Variants in HYDIN observed in about 807,000 individuals in gnomAD.
HYDIN encodes the protein axonemal central pair apparatus protein HYDIN.
A neutral mutation model predicts 403.9 loss-of-function variants in HYDIN; 132 were observed. The ratio of observed to expected loss-of-function variants is 0.33; its 90% CI spans 0.28 to 0.38. HYDIN has a LOEUF of 0.38. Ranked by LOEUF, HYDIN falls within the 10% of genes least tolerant of loss-of-function variation. The pLI is 1.00. For synonymous variants in HYDIN, 1,202 were observed against 1,891.7 expected (o/e 0.64, Z 9.46); for missense variants, 2,827 against 5,009.5 (o/e 0.56, Z 13.15).
intron 1 of HYDIN, among the ~76,000 whole-genome samples, chr16:71,189,778 A>C (rs1042273912): frequency 1.3e-5 from 2 of 151,796 alleles, no homozygotes; most frequent in African/African-American, 4.8e-5. Context: ...AAAAAAAAAA[A>C]AAAACAAACA....
intron 3 of HYDIN, 115 bp from the exon 4 acceptor site, chr16:71,179,162 C>A: frequency 1.4e-6 from 1 of 731,058 alleles, no homozygotes; most frequent in South Asian, 2.3e-5. Flanking sequence ...GGGAAATATT[C>A]AAAAAGAAAT....
At chr16:71,193,713 T>G (rs2087550362) in intron 1 of HYDIN, among the ~76,000 whole-genome samples, 2 of 152,204 alleles carry the variant, frequency 1.3e-5, no homozygotes, top group African/African-American at 4.8e-5. Flanking sequence ...TAGTGAATGC[T>G]TCCAGATGCT....
intron 41 of HYDIN, among the ~76,000 whole-genome samples, chr16:70,947,738 C>T (rs895571386): frequency 5.3e-5 from 8 of 152,162 alleles, no homozygotes; most frequent in African/African-American, 1.7e-4. Context: ...ACCTAGGAAT[C>T]CACCTTACAA....
chr16:71,151,869 C>T (rs1333787492), intron 7 of HYDIN, among the ~76,000 whole-genome samples: 1 of 151,760 alleles, frequency 6.6e-6, no homozygotes, highest in Non-Finnish European at 1.5e-5. Context: ...AGGGTGTGGC[C>T]TTCAAGAAAA....
At chr16:71,228,500 T>C (rs909666313) in intron 1 of HYDIN, among the ~76,000 whole-genome samples, 11 of 152,120 alleles carry the variant, frequency 7.2e-5, no homozygotes, top group Non-Finnish European at 8.8e-5. Flanking sequence ...GGGCAAAGGA[T>C]ATGAACAGAC....
At chr16:71,149,925 T>C (rs1280807098) in intron 7 of HYDIN, among the ~76,000 whole-genome samples, 2 of 149,672 alleles carry the variant, frequency 1.3e-5, no homozygotes, top group Non-Finnish European at 3.0e-5. Context: ...AATAGTCTAG[T>C]GCCAAGGCTA....
chr16:71,055,992 A>ATCC (rs2081872354), intron 18 of HYDIN, among the ~76,000 whole-genome samples: 1 of 152,070 alleles, frequency 6.6e-6, no homozygotes. Flanking sequence ...GCACTGCTGC[A>ATCC]TCCTCACCCT....
intron 42 of HYDIN, among the ~76,000 whole-genome samples, chr16:70,942,460 G>A (rs1833479833): frequency 6.6e-6 from 1 of 152,214 alleles, no homozygotes; most frequent in African/African-American, 2.4e-5. Flanking sequence ...ATGCTCCCAA[G>A]CACAGAGTCA....
At chr16:70,847,753 G>A (rs1460720847) in intron 75 of HYDIN, among the ~76,000 whole-genome samples, 3 of 151,872 alleles carry the variant, frequency 2.0e-5, no homozygotes, top group Non-Finnish European at 4.4e-5. Context: ...TGGTAATGAT[G>A]TGTCTAGGTG....
chr16:70,886,732 T>C (rs1271086622), intron 58 of HYDIN, among the ~76,000 whole-genome samples: 1 of 152,260 alleles, frequency 6.6e-6, no homozygotes, highest in Non-Finnish European at 1.5e-5. Flanking sequence ...CTTGAAAATA[T>C]TGTGCCACTT....
At chr16:71,094,421 C>A (rs2083210733) in intron 10 of HYDIN, among the ~76,000 whole-genome samples, 1 of 152,148 alleles carries the variant, frequency 6.6e-6, no homozygotes, top group Non-Finnish European at 1.5e-5. Context: ...GGGCAAAGTA[C>A]AAATGCATGT....
At chr16:71,110,035 TC>T (rs1479645137) in intron 10 of HYDIN, among the ~76,000 whole-genome samples, 1 of 131,548 alleles carries the variant, frequency 7.6e-6, no homozygotes, top group East Asian at 2.1e-4. Flanking sequence ...ATCCAAAAAC[TC>T]CTAGTCCATT....
intron 22 of HYDIN, among the ~76,000 whole-genome samples, chr16:71,019,318 T>C (rs2080383700): frequency 6.6e-6 from 1 of 152,292 alleles, no homozygotes; most frequent in Non-Finnish European, 1.5e-5. Context: ...CTGTTTTCAG[T>C]GCACCTCATC....
At chr16:71,173,014 T>C (rs1243107312) in intron 5 of HYDIN, among the ~76,000 whole-genome samples, 6 of 152,216 alleles carry the variant, frequency 3.9e-5, no homozygotes, top group Non-Finnish European at 8.8e-5. Context: ...GGGGAAATGA[T>C]GTCTCTAAGG....
chr16:71,206,596 T>C (rs539244240), intron 1 of HYDIN, among the ~76,000 whole-genome samples: 1 of 151,992 alleles, frequency 6.6e-6, no homozygotes, highest in Admixed American at 6.6e-5. Flanking sequence ...ATGACAGAAA[T>C]AGAATTCAGA....
intron 18 of HYDIN, among the ~76,000 whole-genome samples, chr16:71,033,390 G>C (rs1227957648): frequency 4.0e-5 from 6 of 150,678 alleles, no homozygotes; most frequent in African/African-American, 1.5e-4. Flanking sequence ...ATTCTAATTT[G>C]TTTAATTGCC....
intron 14 of HYDIN, 81 bp from the exon 15 acceptor site, chr16:71,067,471 C>G (rs553807653): frequency 1.3e-6 from 1 of 763,790 alleles, no homozygotes; most frequent in Non-Finnish European, 2.2e-6. Flanking sequence ...CGGAGGACTA[C>G]GCTGATCAGA....
chr16:70,981,889 G>C (rs1291920573), intron 28 of HYDIN, among the ~76,000 whole-genome samples: 1 of 152,072 alleles, frequency 6.6e-6, no homozygotes, highest in Non-Finnish European at 1.5e-5. Context: ...AGCACTTTGG[G>C]AGGCTGAGGT....
intron 21 of HYDIN, among the ~76,000 whole-genome samples, chr16:71,022,161 G>A (rs2080520151): frequency 1.3e-5 from 2 of 151,992 alleles, no homozygotes; most frequent in Non-Finnish European, 2.9e-5. Flanking sequence ...CTTCCCTGAA[G>A]GCTGCTGTGT....
Sources: gnomAD v4.1 joint callset for allele counts (sites outside exome capture counted in the v4.1 genomes callset) on GRCh38, gnomAD v4.1.1 for gene constraint, MANE v1.5 for transcripts, NCBI Gene and HGNC (gene_info 2026-07-23, HGNC 2026-07-21) for gene names.